Variants in GIGYF2 observed in about 807,000 individuals in gnomAD.
GIGYF2 encodes the protein GRB10 interacting GYF protein 2.
A neutral mutation model predicts 208.1 loss-of-function variants in GIGYF2; 25 were observed. That is an observed-to-expected ratio of 0.12 (90% confidence interval 0.09 to 0.17). GIGYF2 has a LOEUF of 0.17. Among genes scored for constraint, GIGYF2 ranks in the 10% least tolerant of loss-of-function variants. GIGYF2 has a pLI of 1.00. For synonymous variants in GIGYF2, 534 were observed against 543.8 expected (o/e 0.98, Z 0.25); for missense variants, 1,302 against 1,579.4 (o/e 0.82, Z 2.98).
chr2:232,719,751 TATATA>T (rs1696854258), intron 2 of GIGYF2, among the ~76,000 whole-genome samples: 1 of 152,352 alleles, frequency 6.6e-6, no homozygotes, highest in Middle Eastern at 3.4e-3. Flanking sequence ...AAGTCTAGCT[TATATA>T]ATATTCACTG....
At chr2:232,856,673 C>A in intron 28 of GIGYF2, 120 bp from the exon 29 acceptor site, 1 of 779,170 alleles carries the variant, frequency 1.3e-6, no homozygotes, top group Non-Finnish European at 2.4e-6. Context: ...GCCTGGGTGA[C>A]AGAGTGAAAC....
chr2:232,762,129 A>G (rs1377163478), intron 8 of GIGYF2, among the ~76,000 whole-genome samples: 2 of 151,692 alleles, frequency 1.3e-5, no homozygotes, highest in East Asian at 1.9e-4. Flanking sequence ...TCATGGTACC[A>G]TGAATTGGTA....
chr2:232,750,460 A>G (rs1698296513), intron 5 of GIGYF2, among the ~76,000 whole-genome samples: 1 of 152,222 alleles, frequency 6.6e-6, no homozygotes. Context: ...TTTTCCAAGT[A>G]AATATGGAAA....
At chr2:232,835,942 T>C (rs1228703440) in intron 22 of GIGYF2, among the ~76,000 whole-genome samples, 1 of 151,828 alleles carries the variant, frequency 6.6e-6, no homozygotes, top group African/African-American at 2.4e-5. Flanking sequence ...CGGATTACAG[T>C]CCTAACCTTA....
chr2:232,760,657 G>A (rs1574846057), intron 7 of GIGYF2, 66 bp downstream of exon 7: 2 of 996,534 alleles, frequency 2.0e-6, no homozygotes, highest in East Asian at 5.0e-5. Context: ...TTTGCTTTCT[G>A]CGGGGAGAAA....
chr2:232,823,955 AT>A (rs1193684194), intron 21 of GIGYF2, among the ~76,000 whole-genome samples: 1 of 151,816 alleles, frequency 6.6e-6, no homozygotes, highest in African/African-American at 2.4e-5. Context: ...AATGTTTCAG[AT>A]TTTTTTTACT....
At chr2:232,795,938 G>C (rs888075285) in intron 13 of GIGYF2, 124 bp from the exon 14 acceptor site, 3 of 736,452 alleles carry the variant, frequency 4.1e-6, no homozygotes, top group Admixed American at 1.9e-5. Context: ...TACCTGCTAT[G>C]TTCTTTGCAT....
At position 232,816,874 on chromosome 2, in the gene GIGYF2, G is replaced by C; in HGVS notation, c.2212G>C (p.Glu738Gln). 1 of 1,611,984 alleles carries C rather than the reference G, an allele frequency of 6.2e-7. No homozygotes were observed. The highest frequency in any genetic ancestry group is 8.5e-7 in the Non-Finnish European group (1 of 1,178,098). The change falls in exon 20 of 29, where the codon GAG (glutamate) becomes CAG (glutamine). Residue 738 changes from glutamate to glutamine, a missense_variant. Coordinates refer to ENST00000373563, the MANE Select transcript of GIGYF2 (RefSeq NM_001103146.3). The part of the protein sequence containing the change: ...QLEKAKAAKL[E>Q]QERREAEMRA... The stretch of plus-strand genomic sequence containing the variant: ...GAGTACTCTTGTGTAATCACAGCTA[G>C]AGCAAGAGAGAAGAGAGGCAGAAAT...
intron 14 of GIGYF2, among the ~76,000 whole-genome samples, chr2:232,803,674 CTTTTTTTTT>C (rs768507929): frequency 2.0e-5 from 1 of 49,926 alleles, no homozygotes; most frequent in African/African-American, 1.3e-4. Context: ...ATTTCTGCTT[CTTTTTTTTT>C]TTTTTTTTTT....
At chr2:232,702,029 G>A (rs967458474) in intron 1 of GIGYF2, among the ~76,000 whole-genome samples, 1 of 152,034 alleles carries the variant, frequency 6.6e-6, no homozygotes, top group Non-Finnish European at 1.5e-5. Flanking sequence ...GCTGAGTATG[G>A]TGGTGCACGC....
intron 22 of GIGYF2, among the ~76,000 whole-genome samples, chr2:232,837,188 C>G (rs1701666315): frequency 6.6e-6 from 1 of 152,160 alleles, no homozygotes; most frequent in Non-Finnish European, 1.5e-5. Context: ...TAGCATTTGT[C>G]ACAGGTGACT....
Position 232,729,582 on chromosome 2 carries a change from T to C in GIGYF2, c.-43-5573T>C, listed in dbSNP as rs946959645. 7 of 1,389,396 alleles carry C rather than the reference T, an allele frequency of 5.0e-6. No homozygotes were observed. The East Asian group carries it at 1.6e-4, about 32-fold the overall frequency. The allele number at this position is 1,389,396 out of a possible 1,614,324, so 86.1% of individuals were successfully genotyped here. Reference sequence around the variant, plus strand: ...TGCACATAGTCTTCAAAAGCAGTGATCTGCTTCTCCAGCTTATCTGTTCCA... The same window carrying C: ...TGCACATAGTCTTCAAAAGCAGTGACCTGCTTCTCCAGCTTATCTGTTCCA... On this transcript the variant is annotated intron_variant, in intron 2 of 28. Transcript: ENST00000373563.
intron 20 of GIGYF2, among the ~76,000 whole-genome samples, chr2:232,817,516 T>G (rs1700950820): frequency 6.6e-6 from 1 of 152,204 alleles, no homozygotes; most frequent in Admixed American, 6.5e-5. Flanking sequence ...AAACTGAAAC[T>G]GCATATCCAT....
intron 22 of GIGYF2, among the ~76,000 whole-genome samples, chr2:232,837,558 G>A (rs1405712131): frequency 6.6e-6 from 1 of 152,034 alleles, no homozygotes; most frequent in Non-Finnish European, 1.5e-5. Flanking sequence ...GAGTTCAAGC[G>A]ATCCTCCTGG....
chr2:232,705,444 T>TA (rs1406287931), intron 2 of GIGYF2: 2 of 152,248 alleles, frequency 1.3e-5, no homozygotes, highest in Admixed American at 1.3e-4. Flanking sequence ...GTTGCACTCT[T>TA]GCTGCCGAGG....
rs906106304 is a variant in GIGYF2, at chr2:232,749,101, G to A, written c.267+19G>A. ...AGAACAGGTTTGTGATTAGCTCTGA[G>A]CCCCAGCAAACTCTTATTCTTTTCC... is the stretch of plus-strand genomic sequence containing the variant. On this transcript the variant is annotated intron_variant, in intron 5 of 28. Coordinates refer to ENST00000373563, the MANE Select transcript of GIGYF2 (RefSeq NM_001103146.3). 7.5e-6 allele frequency: 9 copies of A among 1,203,068 alleles called. No individual in the cohort carries two copies. The African/African-American group carries it at 1.2e-4, about 16-fold the overall frequency. The allele number at this position is 1,203,068 out of a possible 1,614,324, so 74.5% of individuals were successfully genotyped here. A position where few individuals can be genotyped will look rare whatever the true frequency, so the allele number is the denominator to read the frequency against.
At chr2:232,801,553 A>T (rs1487068621) in intron 14 of GIGYF2, among the ~76,000 whole-genome samples, 1 of 152,230 alleles carries the variant, frequency 6.6e-6, no homozygotes, top group African/African-American at 2.4e-5. Context: ...GTTGTATACG[A>T]CATGATGTTT....
At chr2:232,756,413 C>A in intron 6 of GIGYF2, 79 bp downstream of exon 6, 1 of 691,228 alleles carries the variant, frequency 1.4e-6, no homozygotes. Flanking sequence ...ATTTTAATGC[C>A]TGATTTAATA....
chr2:232,699,384 G>A (rs892645603), intron 1 of GIGYF2, among the ~76,000 whole-genome samples: 4 of 152,280 alleles, frequency 2.6e-5, no homozygotes, highest in Admixed American at 1.3e-4. Context: ...ACTAAGATGA[G>A]ATGGATTATT....
Sources: allele counts gnomAD v4.1 joint callset (sites outside exome capture counted in the v4.1 genomes callset), GRCh38; gene constraint gnomAD v4.1.1; transcripts MANE v1.5; gene names NCBI Gene and HGNC (gene_info 2026-07-23, HGNC 2026-07-21).